The following HP1BP3 variants were observed in gnomAD, a reference collection of about 807,000 sequenced individuals.
HP1BP3 encodes the protein heterochromatin protein 1-binding protein 3.
In HP1BP3, 12 loss-of-function variants were observed where a neutral mutation model predicts 62.5. That is an observed-to-expected ratio of 0.19 (90% CI 0.12 to 0.31). The LOEUF (loss-of-function observed/expected upper bound fraction) is 0.31. Among genes scored for constraint, HP1BP3 ranks in the 10% least tolerant of loss-of-function variants. The pLI is 1.00. For synonymous variants in HP1BP3, 260 were observed against 237.8 expected, an observed-to-expected ratio of 1.09 and a Z score of -0.86; for missense variants, 502 against 651.8, an observed-to-expected ratio of 0.77 and a Z score of 2.50.
At chr1:20,779,759 C>T in intron 3 of HP1BP3, 53 bp downstream of exon 3, 1 of 1,207,918 alleles carries the variant, frequency 8.3e-7, no homozygotes, top group East Asian at 2.4e-5. Flanking sequence ...TGGGACACTC[C>T]AAATTGCAGT....
At chr1:20,779,636 T>G (rs186639991) in intron 3 of HP1BP3, among the ~76,000 whole-genome samples, 176 bp downstream of exon 3, 1 of 151,608 alleles carries the variant, frequency 6.6e-6, no homozygotes, top group Admixed American at 6.6e-5. Flanking sequence ...AACCTTACTT[T>G]GCCCTCATGG....
At chr1:20,773,857 A>G (rs2057171966) in intron 4 of HP1BP3, 2 of 318,564 alleles carry the variant, frequency 6.3e-6, no homozygotes, top group Non-Finnish European at 5.7e-6. Flanking sequence ...TAGCACTGGT[A>G]TAAGGGCTCA....
intron 3 of HP1BP3, 144 bp downstream of exon 3, chr1:20,779,668 G>T: frequency 2.0e-6 from 1 of 509,444 alleles, no homozygotes; most frequent in Non-Finnish European, 3.4e-6. Flanking sequence ...CATACCAATA[G>T]CTACTGATTC....
chr1:20,768,223 A>G (rs551018742), intron 6 of HP1BP3, among the ~76,000 whole-genome samples: 32 of 151,174 alleles, frequency 2.1e-4, no homozygotes, highest in Admixed American at 1.3e-4. Context: ...GAGGCGGGCG[A>G]ATCACGAGGT....
Position 20,745,659 on chromosome 1 carries a change from A to G in HP1BP3, c.1254-3T>C, listed in dbSNP as rs2055271526. On this transcript the variant is annotated splice_region_variant and splice_polypyrimidine_tract_variant and intron_variant, in intron 11 of 12. Coordinates refer to ENST00000438032, the MANE Select transcript of HP1BP3 (RefSeq NM_001372052.1). ...TCTTCGGAAACAGAACTCCTGGGCTATACGGGGAAAAATTAGATTAAAACA... is the reference window on the plus strand; with the variant it reads ...TCTTCGGAAACAGAACTCCTGGGCTGTACGGGGAAAAATTAGATTAAAACA... The G allele has an allele frequency of 6.2e-7, 1 of 1,612,936 alleles. No individual in the cohort carries two copies. The highest frequency in any genetic ancestry group is 8.5e-7 in the Non-Finnish European group (1 of 1,179,604).
At position 20,745,550 on chromosome 1, in the gene HP1BP3, T is replaced by C. The variant is rs1016960065; in HGVS notation, c.1360A>G (p.Lys454Glu). The C allele has an allele frequency of 8.7e-6, 14 of 1,613,974 alleles. No homozygotes were observed. The highest frequency in any genetic ancestry group is 1.2e-5 in the Non-Finnish European group (14 of 1,179,962). The change falls in exon 12 of 13, where the codon AAG (lysine) becomes GAG (glutamate). Residue 454 changes from lysine (K) to glutamate (E), a missense_variant. By Grantham distance (56) the Lys-to-Glu change is moderately conservative. Around this residue, in one of 5 missense-constraint regions of HP1BP3, gnomAD observed 194 missense variants for 207.0 expected, o/e 0.94. Coordinates refer to ENST00000438032, the MANE Select transcript of HP1BP3 (RefSeq NM_001372052.1). ...EDSEDEEPPP[K>E]RRLQKKTPAK... ...GTTTTCACATGTCCACACCTTCTCT[T>C]AGGTGGCGGCTCTTCATCCTCAGAG...
rs898421816 is a variant in HP1BP3, at chr1:20,741,938, A to G, written c.*2859T>C. 4.6e-5 allele frequency among the ~76,000 whole-genome samples: 7 copies of G among 152,226 alleles called. No homozygotes were observed. Among genetic ancestry groups the G allele is most frequent in the African/African-American group, 1.4e-4 (6 of 41,458 alleles). ...AAAAATCAAACATTCTTTTATCTCA[A>G]TGTAAGTAAGGCGTATGTCTTTGAC... On this transcript the variant is annotated 3_prime_UTR_variant, in exon 13 of 13. Coordinates refer to ENST00000438032, the MANE Select transcript of HP1BP3 (RefSeq NM_001372052.1).
chr1:20,756,380 A>T (rs1487576465), intron 9 of HP1BP3, among the ~76,000 whole-genome samples: 2 of 152,130 alleles, frequency 1.3e-5, no homozygotes, highest in African/African-American at 4.8e-5. Context: ...GCAAAAATGT[A>T]AACAGTGCCT....
chr1:20,758,725 A>G (rs1447742678), intron 8 of HP1BP3, among the ~76,000 whole-genome samples: 1 of 148,406 alleles, frequency 6.7e-6, no homozygotes, highest in Admixed American at 6.9e-5. Flanking sequence ...GGCTCACTGT[A>G]GCCTTGATCT....
chr1:20,777,558 A>G (rs2057358576), intron 3 of HP1BP3, among the ~76,000 whole-genome samples: 1 of 152,060 alleles, frequency 6.6e-6, no homozygotes, highest in African/African-American at 2.4e-5. Flanking sequence ...CCCCAGGTTC[A>G]AGCGATTCTC....
At chr1:20,782,938 A>C (rs1433438615) in intron 1 of HP1BP3, among the ~76,000 whole-genome samples, 1 of 149,988 alleles carries the variant, frequency 6.7e-6, no homozygotes, top group African/African-American at 2.4e-5. Flanking sequence ...GAAAGAAAAA[A>C]CCCACACACA....
intron 9 of HP1BP3, among the ~76,000 whole-genome samples, chr1:20,753,541 T>C (rs368710596): frequency 1.8e-4 from 27 of 152,358 alleles, no homozygotes; most frequent in East Asian, 1.5e-3. Context: ...TGCCAACATT[T>C]GGAAAATCTA....
In HP1BP3 at chr1:20,757,322, G is replaced by C. The variant is rs934774474; in HGVS notation, c.891-66C>G. The C allele has an allele frequency of 1.8e-5, 16 of 899,554 alleles. No individual in the cohort carries two copies. In the East Asian group the frequency reaches 4.0e-4, roughly 22 times the overall value. 55.7% of individuals were successfully genotyped at this position (899,554 alleles called of 1,614,324 possible). A position where few individuals can be genotyped will look rare whatever the true frequency, so the allele number is the denominator to read the frequency against. On this transcript the variant is annotated intron_variant, in intron 8 of 12. Coordinates refer to ENST00000438032, the MANE Select transcript of HP1BP3 (RefSeq NM_001372052.1). ...AATGAAAGAAAAATGTAAAGAAATAGATACAGGGTTATTCCCAGATCTAGA... is the reference window on the plus strand; with the variant it reads ...AATGAAAGAAAAATGTAAAGAAATACATACAGGGTTATTCCCAGATCTAGA...
In HP1BP3 at chr1:20,776,650, T is replaced by G; in HGVS notation, c.297A>C (p.Glu99Asp). 1 of 1,613,998 alleles carries G rather than the reference T, an allele frequency of 6.2e-7. No homozygotes were observed. Among genetic ancestry groups the G allele is most frequent in the Non-Finnish European group, 8.5e-7 (1 of 1,179,918 alleles). The part of the protein sequence containing the change: ...TSSEAEQPKG[E>D]PENEEKEENK... ...TTTCTTCCTTCTCTTCATTCTCAGG[T>G]TCCCCCTTTGGCTGCTCTGCCTCAC... Residue 99 changes from glutamate (E) to aspartate (D), a missense_variant, in exon 4 of 13, where the codon GAA becomes GAC. Glu to Asp is a conservative substitution (Grantham distance 45, BLOSUM62 2). Coordinates refer to ENST00000438032, the MANE Select transcript of HP1BP3 (RefSeq NM_001372052.1).
At chr1:20,754,264 GA>G (rs1168494936) in intron 9 of HP1BP3, among the ~76,000 whole-genome samples, 3 of 151,878 alleles carry the variant, frequency 2.0e-5, no homozygotes, top group Non-Finnish European at 4.4e-5. Flanking sequence ...AGACAGCATG[GA>G]AAAAGAATAA....
At chr1:20,757,364 T>C in intron 8 of HP1BP3, 108 bp from the exon 9 acceptor site, 2 of 429,662 alleles carry the variant, frequency 4.7e-6, no homozygotes, top group South Asian at 4.9e-5. Flanking sequence ...ATTACTATTA[T>C]TATTATTATT....
intron 1 of HP1BP3, among the ~76,000 whole-genome samples, chr1:20,781,530 T>C (rs982984771): frequency 6.6e-6 from 1 of 152,218 alleles, no homozygotes; most frequent in Non-Finnish European, 1.5e-5. Context: ...TTGTCAATTG[T>C]CAGTCAGCTG....
At position 20,753,645 on chromosome 1, in the gene HP1BP3, A is replaced by G. The variant is rs184674157; in HGVS notation, c.981+3521T>C. On this transcript the variant is annotated intron_variant, in intron 9 of 12. Coordinates refer to ENST00000438032, the MANE Select transcript of HP1BP3 (RefSeq NM_001372052.1). ...ACCTATTCAAAGTTCAATGAATTTT[A>G]AGGTAACACAGTCCAAGAAATTCAC... 4.2e-3 allele frequency among the ~76,000 whole-genome samples: 638 copies of G among 152,368 alleles called. 3 individuals carry two copies. Among genetic ancestry groups the G allele is most frequent in the African/African-American group, 0.014 (579 of 41,590 alleles).
intron 8 of HP1BP3, among the ~76,000 whole-genome samples, chr1:20,762,265 T>C (rs2056525963): frequency 6.6e-6 from 1 of 152,218 alleles, no homozygotes; most frequent in South Asian, 2.1e-4. Flanking sequence ...TTCAGGTTCA[T>C]TAGCACCTTT....
Sources: allele counts gnomAD v4.1 joint callset (sites outside exome capture counted in the v4.1 genomes callset), GRCh38; gene constraint gnomAD v4.1.1; regional missense constraint gnomAD v4.1.1; transcripts MANE v1.5; gene names NCBI Gene and HGNC (gene_info 2026-07-23, HGNC 2026-07-21).